The following EPHA3 variants were observed in gnomAD, a reference collection of about 807,000 sequenced individuals.
EPHA3 encodes the protein ephrin type-A receptor 3.
In EPHA3, 42 loss-of-function variants were observed where a neutral mutation model predicts 107.1. That is an observed-to-expected ratio of 0.39 (90% CI 0.31 to 0.51). EPHA3 has a LOEUF of 0.51. Among genes scored for constraint, EPHA3 ranks in the 20% least tolerant of loss-of-function variants. The pLI is 0.78. For missense variants in EPHA3, 1,183 were observed against 1,211.2 expected (o/e 0.98, Z 0.35); for synonymous variants, 461 against 424.8 (o/e 1.09, Z -1.05).
intron 2 of EPHA3, among the ~76,000 whole-genome samples, chr3:89,169,440 AC>A (rs1316490505): frequency 1.3e-5 from 2 of 152,216 alleles, no homozygotes; most frequent in Non-Finnish European, 2.9e-5. Flanking sequence ...TATAACCATG[AC>A]AAAATTATTT....
chr3:89,128,196 T>C (rs1364805811), intron 2 of EPHA3, among the ~76,000 whole-genome samples: 5 of 152,156 alleles, frequency 3.3e-5, no homozygotes, highest in Admixed American at 6.5e-5. Flanking sequence ...TGCCTAAATA[T>C]ACACAATTTT....
intron 3 of EPHA3, among the ~76,000 whole-genome samples, chr3:89,280,589 G>A (rs1254690763): frequency 1.3e-5 from 2 of 152,104 alleles, no homozygotes; most frequent in Non-Finnish European, 2.9e-5. Flanking sequence ...GGTTTTAGTT[G>A]CATTGAGCAA....
intron 5 of EPHA3, among the ~76,000 whole-genome samples, chr3:89,353,823 G>C (rs1260818849): frequency 6.6e-6 from 1 of 151,286 alleles, no homozygotes; most frequent in Non-Finnish European, 1.5e-5. Context: ...TGGAACATGA[G>C]CTAAGGAAGA....
At chr3:89,235,573 G>A (rs904810187) in intron 3 of EPHA3, among the ~76,000 whole-genome samples, 3 of 151,682 alleles carry the variant, frequency 2.0e-5, no homozygotes, top group African/African-American at 7.3e-5. Context: ...ATGAAAATCT[G>A]TATTGAGATT....
At chr3:89,226,587 T>A (rs1704509012) in intron 3 of EPHA3, among the ~76,000 whole-genome samples, 1 of 152,232 alleles carries the variant, frequency 6.6e-6, no homozygotes, top group East Asian at 1.9e-4. Flanking sequence ...AATTTTTAAT[T>A]ATATTTAGAA....
intron 3 of EPHA3, among the ~76,000 whole-genome samples, chr3:89,215,661 G>A (rs1226962930): frequency 6.6e-6 from 1 of 151,824 alleles, no homozygotes; most frequent in African/African-American, 2.4e-5. Flanking sequence ...CACTATAACA[G>A]GCCTTAAAAA....
intron 2 of EPHA3, among the ~76,000 whole-genome samples, chr3:89,201,607 T>C (rs1209180764): frequency 1.3e-5 from 2 of 152,210 alleles, no homozygotes; most frequent in Non-Finnish European, 2.9e-5. Context: ...TTCTGACCAC[T>C]GTCTCGCAGC....
chr3:89,301,083 G>A (rs115580111), intron 3 of EPHA3, among the ~76,000 whole-genome samples: 1,834 of 152,134 alleles, frequency 0.012, 24 homozygotes, highest in African/African-American at 0.04. Flanking sequence ...CAATGATCTA[G>A]AGTCAAACCT....
At chr3:89,181,289 G>A (rs1705437192) in intron 2 of EPHA3, among the ~76,000 whole-genome samples, 1 of 151,892 alleles carries the variant, frequency 6.6e-6, no homozygotes, top group Non-Finnish European at 1.5e-5. Context: ...ATTTCCAGTT[G>A]AGCAAATATG....
At chr3:89,230,415 T>C (rs552983476) in intron 3 of EPHA3, among the ~76,000 whole-genome samples, 1 of 152,188 alleles carries the variant, frequency 6.6e-6, no homozygotes, top group African/African-American at 2.4e-5. Context: ...AGTACATGGT[T>C]CAGGCCAAAG....
chr3:89,333,032 A>T (rs1707322228), intron 3 of EPHA3, among the ~76,000 whole-genome samples: 1 of 152,056 alleles, frequency 6.6e-6, no homozygotes, highest in African/African-American at 2.4e-5. Flanking sequence ...TTTCCCTTTC[A>T]CTATGGTAAC....
intron 10 of EPHA3, among the ~76,000 whole-genome samples, chr3:89,416,553 G>T (rs1198316168): frequency 1.3e-5 from 2 of 151,222 alleles, no homozygotes; most frequent in African/African-American, 2.4e-5. Context: ...GTGATTTTTA[G>T]TATATTTTCA....
chr3:89,334,447 C>T (rs1191685164), intron 3 of EPHA3, among the ~76,000 whole-genome samples: 1 of 152,188 alleles, frequency 6.6e-6, no homozygotes, highest in East Asian at 1.9e-4. Context: ...GAAAGTGTTA[C>T]TAATCCTACA....
intron 8 of EPHA3, among the ~76,000 whole-genome samples, chr3:89,407,592 C>T (rs1709079997): frequency 1.3e-5 from 2 of 152,020 alleles, no homozygotes; most frequent in Admixed American, 1.3e-4. Flanking sequence ...ACTCTTTTAA[C>T]ATACACCCCT....
intron 5 of EPHA3, among the ~76,000 whole-genome samples, chr3:89,388,439 C>G (rs1232172772): frequency 1.3e-5 from 2 of 152,106 alleles, no homozygotes; most frequent in Non-Finnish European, 2.9e-5. Context: ...ACCTGATCAA[C>G]TATTGCCTAA....
At chr3:89,169,091 T>C (rs1039929698) in intron 2 of EPHA3, among the ~76,000 whole-genome samples, 6 of 152,216 alleles carry the variant, frequency 3.9e-5, no homozygotes, top group Admixed American at 2.6e-4. Context: ...ATCTTTGTTT[T>C]GGTATAAAAG....
intron 13 of EPHA3, among the ~76,000 whole-genome samples, chr3:89,442,354 A>G (rs2107547220): frequency 6.6e-6 from 1 of 152,276 alleles, no homozygotes; most frequent in East Asian, 1.9e-4. Flanking sequence ...CACTTAGTCA[A>G]TATAAAATCC....
At chr3:89,154,759 TA>T (rs1006866305) in intron 2 of EPHA3, among the ~76,000 whole-genome samples, 3 of 150,746 alleles carry the variant, frequency 2.0e-5, no homozygotes, top group African/African-American at 4.8e-5. Flanking sequence ...GTTGGAACTT[TA>T]AAAAAAACAG....
intron 2 of EPHA3, among the ~76,000 whole-genome samples, chr3:89,139,566 C>T (rs964129332): frequency 2.9e-4 from 44 of 151,748 alleles, no homozygotes; most frequent in African/African-American, 9.2e-4. Context: ...GATAGAGCTG[C>T]TTCCATTTTC....
Sources: gnomAD v4.1 joint callset for allele counts (sites outside exome capture counted in the v4.1 genomes callset) on GRCh38, gnomAD v4.1.1 for gene constraint, MANE v1.5 for transcripts, NCBI Gene and HGNC (gene_info 2026-07-23, HGNC 2026-07-21) for gene names.